Variants in PEX26 observed in about 807,000 individuals in gnomAD.
PEX26 encodes the protein peroxisomal biogenesis factor 26.
PEX26 carries 18 observed loss-of-function variants against 31.4 expected under a neutral mutation model. The observed-to-expected ratio is 0.57, with a 90% CI of 0.40 to 0.85. The LOEUF is 0.85. PEX26 is among the 40% of genes least tolerant of loss of function. The probability of loss-of-function intolerance (pLI) is 0.00; values close to 1 mark genes in which losing one functional copy is unlikely to be tolerated. For synonymous variants in PEX26, 176 were observed against 166.9 expected (o/e 1.05, Z -0.42); for missense variants, 377 against 383.9 (o/e 0.98, Z 0.15).
intron 4 of PEX26, among the ~76,000 whole-genome samples, chr22:18,085,943 A>T (rs1323256988): frequency 6.6e-6 from 1 of 152,190 alleles, no homozygotes; most frequent in African/African-American, 2.4e-5. Flanking sequence ...TCAAGTATTA[A>T]TGTCTCATGA....
chr22:18,081,212 T>C (rs1277941731), intron 2 of PEX26, among the ~76,000 whole-genome samples: 2 of 146,638 alleles, frequency 1.4e-5, no homozygotes, highest in East Asian at 2.0e-4. Context: ...TATAAACACA[T>C]ATATACACAT....
rs1926610826 is a variant in PEX26, at chr22:18,081,570, G to A, written c.371+1556G>A. The A allele has an allele frequency of 1.8e-5, 3 of 163,114 alleles. No homozygotes were observed. In the South Asian group the frequency reaches 3.6e-4, roughly 19 times the overall value. The allele number at this position is 163,114 out of a possible 1,614,324, so 10.1% of individuals were successfully genotyped here. ...CTTGGAATTGTGGAACTGCTTGACT[G>A]TCGGCCGGTGGCAGTACCAGAAGCG... On this transcript the variant is annotated intron_variant, in intron 2 of 4. Transcript: ENST00000399744.
rs555543074 is a variant in PEX26, at chr22:18,093,067, A to G, written c.*4992A>G. On this transcript the variant is annotated 3_prime_UTR_variant, in exon 5 of 5. Coordinates refer to ENST00000399744, the MANE Select transcript of PEX26 (RefSeq NM_001127649.3). ...CTTAAAACAGAGCTCAGGAGCAGAC[A>G]CGCAGTCCTGGGAACCCTTCAATAA... 1 of 152,254 alleles carries G rather than the reference A, an allele frequency of 6.6e-6. No individual in the cohort carries two copies. The highest frequency in any genetic ancestry group is 1.5e-5 in the Non-Finnish European group (1 of 68,030). 9.4% of individuals were successfully genotyped at this position (152,254 alleles called of 1,614,324 possible). A position where few individuals can be genotyped will look rare whatever the true frequency, so the allele number is the denominator to read the frequency against.
rs1338352622 is a variant in PEX26, at chr22:18,090,178, T to C, written c.*2103T>C. ...CAGTCAGGTGAGGTTTGAGATTCCT[T>C]CTATAGAATGATTTCTTAAAATGAA... On this transcript the variant is annotated 3_prime_UTR_variant, in exon 5 of 5. Transcript: ENST00000399744. The C allele has an allele frequency of 6.6e-6, 1 of 152,166 alleles. No individual in the cohort carries two copies. Among genetic ancestry groups the C allele is most frequent in the African/African-American group, 2.4e-5 (1 of 41,416 alleles). 9.4% of individuals were successfully genotyped at this position (152,166 alleles called of 1,614,324 possible).
At chr22:18,081,626 AT>A (rs1390642662) in intron 2 of PEX26, 1 of 166,618 alleles carries the variant, frequency 6.0e-6, no homozygotes, top group Non-Finnish European at 1.3e-5. Context: ...AGGTGCAGAG[AT>A]TTGCTGGCAG....
intron 4 of PEX26, among the ~76,000 whole-genome samples, chr22:18,087,247 G>A (rs1216904138): frequency 6.6e-6 from 1 of 152,126 alleles, no homozygotes; most frequent in Non-Finnish European, 1.5e-5. Context: ...GCTACATTTT[G>A]TATTTTTAGT....
In PEX26 at chr22:18,078,412, CAG is replaced by C. The variant is rs61752130; in HGVS notation, c.37_38del (p.Arg13GlyfsTer101). The C allele has an allele frequency of 1.9e-6, 3 of 1,594,592 alleles. No homozygotes were observed. The African/African-American group carries it at 4.0e-5, about 21-fold the overall frequency. ...ATTCTTCGACCTCTGCAGCCCCCCT[CAG>C]GGGGCTCGGGGGACCCCTGCGCAGC... ...SDSSTSAAPL[R>X]GLGGPLRSSE... On this transcript the variant is annotated frameshift_variant, in exon 1 of 5. Coordinates refer to ENST00000399744, the MANE Select transcript of PEX26 (RefSeq NM_001127649.3). LOFTEE classifies it high-confidence loss of function.
chr22:18,084,237 C>CTTTTTTT (rs362041), intron 3 of PEX26, among the ~76,000 whole-genome samples: 8 of 95,322 alleles, frequency 8.4e-5, no homozygotes, highest in African/African-American at 2.0e-4. Flanking sequence ...ATCTCTCTCT[C>CTTTTTTT]TTTTTTTTTT....
chr22:18,088,832 G>A lies in PEX26; in HGVS notation c.*757G>A, dbSNP rs892596292. The A allele has an allele frequency of 1.3e-5, 2 of 157,568 alleles. No individual in the cohort carries two copies. Among genetic ancestry groups the A allele is most frequent in the Middle Eastern group, 3.4e-3 (1 of 298 alleles). The allele number at this position is 157,568 out of a possible 1,614,324, so 9.8% of individuals were successfully genotyped here. On this transcript the variant is annotated 3_prime_UTR_variant, in exon 5 of 5. Transcript: ENST00000399744. The surrounding 1 kb of genome is among the most constrained non-coding windows in gnomAD (Gnocchi z 4.1). ...GAGAGGGCCTCTTCTTGCCTGCACT[G>A]TGCTCCCCAGAGCTGATCTAATTCT...
chr22:18,082,662 C>T (rs1455115647), intron 2 of PEX26, among the ~76,000 whole-genome samples: 3 of 152,168 alleles, frequency 2.0e-5, no homozygotes, highest in Non-Finnish European at 4.4e-5. Flanking sequence ...GTTCTTTTTG[C>T]TCACAACTGC....
chr22:18,091,611 C>T lies in PEX26; in HGVS notation c.*3536C>T, dbSNP rs1250595863. On this transcript the variant is annotated 3_prime_UTR_variant, in exon 5 of 5. Transcript: ENST00000399744. ...TGAGATCGCGCCATTGCACTCCCAC[C>T]TGGGCAACAAAGAGTGAAACTTGGT... is the stretch of plus-strand genomic sequence containing the variant. 6.6e-6 allele frequency: 1 copy of T among 152,324 alleles called. No individual in the cohort carries two copies. Among genetic ancestry groups the T allele is most frequent in the Non-Finnish European group, 1.5e-5 (1 of 68,134 alleles). 9.4% of individuals were successfully genotyped at this position (152,324 alleles called of 1,614,324 possible). A position where few individuals can be genotyped will look rare whatever the true frequency, so the allele number is the denominator to read the frequency against.
chr22:18,079,315 A>G (rs931649503), intron 1 of PEX26: 1 of 739,938 alleles, frequency 1.4e-6, no homozygotes, highest in East Asian at 1.3e-4. Context: ...GGGAGGTGGT[A>G]GGTAGAATAG....
At chr22:18,085,525 G>T (rs1926808353) in intron 4 of PEX26, among the ~76,000 whole-genome samples, 1 of 152,198 alleles carries the variant, frequency 6.6e-6, no homozygotes, top group African/African-American at 2.4e-5. Flanking sequence ...CTGAGTCATA[G>T]TCCTCCACTT....
At chr22:18,080,967 C>T (rs185691373) in intron 2 of PEX26, among the ~76,000 whole-genome samples, 64 of 151,874 alleles carry the variant, frequency 4.2e-4, no homozygotes, top group African/African-American at 1.5e-3. Flanking sequence ...TGGTAACCAC[C>T]GTTCTACCGT....
In PEX26 at chr22:18,090,000, C is replaced by G. The variant is rs1247898708; in HGVS notation, c.*1925C>G. On this transcript the variant is annotated 3_prime_UTR_variant, in exon 5 of 5. Coordinates refer to ENST00000399744, the MANE Select transcript of PEX26 (RefSeq NM_001127649.3). ...TACAGGTGTGAGCCATCGCGCCCGG[C>G]CAACTTTTCTTTAGAAAAATGAGTA... is the stretch of plus-strand genomic sequence containing the variant. 6.6e-6 allele frequency: 1 copy of G among 152,188 alleles called. No homozygotes were observed. Among genetic ancestry groups the G allele is most frequent in the Non-Finnish European group, 1.5e-5 (1 of 68,056 alleles). The allele number at this position is 152,188 out of a possible 1,614,324, so 9.4% of individuals were successfully genotyped here. A position where few individuals can be genotyped will look rare whatever the true frequency, so the allele number is the denominator to read the frequency against.
chr22:18,079,956 T>C lies in PEX26; in HGVS notation c.313T>C (p.Trp105Arg). The C allele has an allele frequency of 2.5e-6, 4 of 1,614,146 alleles. No homozygotes were observed. Among genetic ancestry groups the C allele is most frequent in the Non-Finnish European group, 3.4e-6 (4 of 1,179,990 alleles). The change falls in exon 2 of 5, where the codon TGG becomes CGG. Residue 105 changes from tryptophan to arginine, a missense_variant. Coordinates refer to ENST00000399744, the MANE Select transcript of PEX26 (RefSeq NM_001127649.3). ...EMDRWQEVLS[W>R]VLQYYQVPEK... ...GGATCGGTGGCAAGAAGTCCTCTCC[T>C]GGGTCCTTCAGTATTACCAGGTCCC...
In PEX26 at chr22:18,090,527, G is replaced by A. The variant is rs886057258; in HGVS notation, c.*2452G>A. 6.6e-6 allele frequency: 1 copy of A among 152,284 alleles called. No individual in the cohort carries two copies. The highest frequency in any genetic ancestry group is 2.4e-5 in the African/African-American group (1 of 41,432). The allele number at this position is 152,284 out of a possible 1,614,324, so 9.4% of individuals were successfully genotyped here. On this transcript the variant is annotated 3_prime_UTR_variant, in exon 5 of 5. Transcript: ENST00000399744. ...CTTTCTGCCCCTCCCTGTGTCCCGG[G>A]ACCTGTTTCATATCGCTTCTGTGGT...
rs1397308554 is a variant in PEX26 at position 18,092,587 on chromosome 22, G to C, written c.*4512G>C. 1.3e-5 allele frequency: 2 copies of C among 152,006 alleles called. No individual in the cohort carries two copies. Among genetic ancestry groups the C allele is most frequent in the Non-Finnish European group, 2.9e-5 (2 of 68,022 alleles). 9.4% of individuals were successfully genotyped at this position (152,006 alleles called of 1,614,324 possible). A position where few individuals can be genotyped will look rare whatever the true frequency, so the allele number is the denominator to read the frequency against. On this transcript the variant is annotated 3_prime_UTR_variant, in exon 5 of 5. Transcript: ENST00000399744. ...ACAGGACTCGTGATCCCACCACTCA[G>C]AAATAATTACTATTAATACGGTTGA...
At chr22:18,084,268 G>C (rs1209812263) in intron 3 of PEX26, among the ~76,000 whole-genome samples, 1 of 146,838 alleles carries the variant, frequency 6.8e-6, no homozygotes, top group Non-Finnish European at 1.5e-5. Context: ...TGTTTGAGAC[G>C]GAGTCTCGCT....
Sources: gnomAD v4.1 joint callset for allele counts (sites outside exome capture counted in the v4.1 genomes callset) on GRCh38, gnomAD v4.1.1 for gene constraint, Gnocchi (gnomAD v3.1) non-coding constraint, MANE v1.5 for transcripts, NCBI Gene and HGNC (gene_info 2026-07-23, HGNC 2026-07-21) for gene names.